VPS13B: variants seen among roughly 807,000 people sequenced by gnomAD.
VPS13B encodes the protein vacuolar protein sorting 13 homolog B, also known as intermembrane lipid transfer protein VPS13B.
A neutral mutation model predicts 426.4 loss-of-function variants in VPS13B; 285 were observed. The ratio of observed to expected loss-of-function variants is 0.67; its 90% CI spans 0.61 to 0.74. The LOEUF is 0.74. Among genes scored for constraint, VPS13B ranks in the 30% least tolerant of loss-of-function variants. The pLI is 0.00. For missense variants in VPS13B, 4,537 were observed against 4,782.6 expected (o/e 0.95, Z 1.51); for synonymous variants, 1,676 against 1,676.4 (o/e 1.00, Z 0.01).
At chr8:99,853,364 T>G in intron 55 of VPS13B, 87 bp from the exon 56 acceptor site, 2 of 1,388,258 alleles carry the variant, frequency 1.4e-6, no homozygotes, top group Admixed American at 1.8e-5. Flanking sequence ...CAGGAGGTAT[T>G]TAATAGGGTA....
intron 3 of VPS13B, among the ~76,000 whole-genome samples, chr8:99,095,372 C>T (rs147146172): frequency 1.2e-3 from 179 of 152,240 alleles, no homozygotes; most frequent in Non-Finnish European, 1.8e-3. Context: ...TACGTTGATA[C>T]TGTTTTGCTT....
intron 33 of VPS13B, among the ~76,000 whole-genome samples, chr8:99,632,085 G>A (rs16897514): frequency 0.14 from 20,611 of 151,772 alleles, 1,946 homozygotes; most frequent in East Asian, 0.39. Flanking sequence ...AGAAAGTTTT[G>A]AAGTCTAAGA....
intron 16 of VPS13B, among the ~76,000 whole-genome samples, chr8:99,174,281 A>G (rs1219047603): frequency 6.6e-6 from 1 of 152,170 alleles, no homozygotes; most frequent in Non-Finnish European, 1.5e-5. Context: ...GCTGCTGTGA[A>G]CATGCATGTA....
intron 25 of VPS13B, among the ~76,000 whole-genome samples, chr8:99,500,183 A>G (rs1821151836): frequency 6.6e-6 from 1 of 152,150 alleles, no homozygotes; most frequent in African/African-American, 2.4e-5. Context: ...CTTTGTTTAA[A>G]TTTTAAGGGG....
At position 99,710,301 on chromosome 8, in the gene VPS13B, T is replaced by C. The variant is rs531775655; in HGVS notation, c.6455-6870T>C. Among the ~76,000 whole-genome samples the C allele has an allele frequency of 2.4e-4, 37 of 152,334 alleles. No individual in the cohort carries two copies. In the Middle Eastern group the frequency reaches 0.017, roughly 70 times the overall value. ...GAAGGTAGCTCTTTATAATTTTTACTTGTAGGCATTTTGTCCAATGGTGCA... is the reference window on the plus strand; with the variant it reads ...GAAGGTAGCTCTTTATAATTTTTACCTGTAGGCATTTTGTCCAATGGTGCA... On this transcript the variant is annotated intron_variant, in intron 36 of 61. Coordinates refer to ENST00000357162, the MANE Select transcript of VPS13B (RefSeq NM_152564.5).
At chr8:99,635,625 T>C (rs1829036984) in intron 33 of VPS13B, among the ~76,000 whole-genome samples, 1 of 152,014 alleles carries the variant, frequency 6.6e-6, no homozygotes, top group Admixed American at 6.6e-5. Context: ...GTTTTTGTCC[T>C]TAATAATTCT....
At chr8:99,828,612 T>G (rs896707293) in intron 51 of VPS13B, among the ~76,000 whole-genome samples, 1 of 151,992 alleles carries the variant, frequency 6.6e-6, no homozygotes, top group Non-Finnish European at 1.5e-5. Flanking sequence ...AAGTTAATAT[T>G]GTTATGTGTG....
At chr8:99,707,090 A>G (rs1165030624) in intron 36 of VPS13B, among the ~76,000 whole-genome samples, 4 of 152,162 alleles carry the variant, frequency 2.6e-5, no homozygotes, top group Non-Finnish European at 5.9e-5. Context: ...GAGCAAGGGA[A>G]CTGAGGACAG....
chr8:99,517,252 G>T (rs559588449), intron 29 of VPS13B, among the ~76,000 whole-genome samples: 1 of 152,122 alleles, frequency 6.6e-6, no homozygotes, highest in South Asian at 2.1e-4. Flanking sequence ...AAAGTTTGTT[G>T]TAAGCAACAT....
At chr8:99,746,477 G>A (rs1364444842) in intron 39 of VPS13B, among the ~76,000 whole-genome samples, 1 of 152,136 alleles carries the variant, frequency 6.6e-6, no homozygotes. Context: ...CCTCCACTAG[G>A]AAGGAGGAGG....
intron 19 of VPS13B, among the ~76,000 whole-genome samples, chr8:99,354,854 A>AT (rs1812096290): frequency 6.6e-6 from 1 of 152,150 alleles, no homozygotes; most frequent in East Asian, 1.9e-4. Flanking sequence ...GCAAGGCCCC[A>AT]GCAGTCTTTG....
In VPS13B at chr8:99,391,449, C is replaced by T. The variant is rs941343808; in HGVS notation, c.2935-108C>T. 5 of 1,552,708 alleles carry T rather than the reference C, an allele frequency of 3.2e-6. No individual in the cohort carries two copies. The African/African-American group carries it at 6.8e-5, about 21-fold the overall frequency. On this transcript the variant is annotated intron_variant, in intron 20 of 61. Coordinates refer to ENST00000357162, the MANE Select transcript of VPS13B (RefSeq NM_152564.5). Reference sequence around the variant, plus strand: ...TTGATTTACAATAATGAAGTCTCAGCCCCAACTTGTGAAGGACTGTCCTCA... The same window carrying T: ...TTGATTTACAATAATGAAGTCTCAGTCCCAACTTGTGAAGGACTGTCCTCA...
At chr8:99,737,788 A>G (rs1833906003) in intron 39 of VPS13B, among the ~76,000 whole-genome samples, 1 of 152,252 alleles carries the variant, frequency 6.6e-6, no homozygotes, top group Admixed American at 6.5e-5. Context: ...GATATTCAGA[A>G]TGCTGCTAAA....
At chr8:99,252,658 A>C (rs1163644178) in intron 17 of VPS13B, among the ~76,000 whole-genome samples, 1 of 151,998 alleles carries the variant, frequency 6.6e-6, no homozygotes, top group Non-Finnish European at 1.5e-5. Context: ...GTAGATTTAT[A>C]TTTTCAGCTC....
chr8:99,157,262 ATG>A (rs199631907), intron 15 of VPS13B, among the ~76,000 whole-genome samples: 4 of 148,566 alleles, frequency 2.7e-5, no homozygotes, highest in Non-Finnish European at 3.0e-5. Context: ...GTGTGTGTGT[ATG>A]TGTGTGTGTG....
intron 22 of VPS13B, among the ~76,000 whole-genome samples, chr8:99,440,462 A>T (rs1817626374): frequency 1.3e-5 from 2 of 152,124 alleles, no homozygotes; most frequent in African/African-American, 4.8e-5. Flanking sequence ...TAAAACCACA[A>T]TTTTATACAT....
At chr8:99,675,174 C>G (rs1419336841) in intron 35 of VPS13B, among the ~76,000 whole-genome samples, 1 of 151,840 alleles carries the variant, frequency 6.6e-6, no homozygotes, top group African/African-American at 2.4e-5. Context: ...TTTTATCTCT[C>G]TTTCATTAAA....
At chr8:99,298,578 A>G (rs1820172588) in intron 19 of VPS13B, among the ~76,000 whole-genome samples, 5 of 152,212 alleles carry the variant, frequency 3.3e-5, no homozygotes. Context: ...GATCGTCAAG[A>G]TGTCATATAA....
intron 1 of VPS13B, 67 bp from the exon 2 acceptor site, chr8:99,013,693 T>G: frequency 1.2e-4 from 179 of 1,473,544 alleles, no homozygotes; most frequent in Non-Finnish European, 1.6e-4. Context: ...GCTTTCGGCC[T>G]GAGATAACGA....
Sources: gnomAD v4.1 joint callset for allele counts (sites outside exome capture counted in the v4.1 genomes callset) on GRCh38, gnomAD v4.1.1 for gene constraint, MANE v1.5 for transcripts, NCBI Gene and HGNC (gene_info 2026-07-23, HGNC 2026-07-21) for gene names.